The following CELF4 variants were observed in gnomAD, a reference collection of about 807,000 sequenced individuals.
CELF4 encodes the protein CUGBP Elav-like family member 4, also known as CUG-BP- and ETR-3-like factor 4.
CELF4 carries 18 observed loss-of-function variants against 59.9 expected under a neutral mutation model. The observed-to-expected ratio is 0.30, with a 90% CI of 0.21 to 0.45. The LOEUF is 0.45. CELF4 is among the 20% of genes least tolerant of loss of function. The pLI is 1.00. For missense variants in CELF4, 456 were observed against 689.0 expected, an observed-to-expected ratio of 0.66 and a Z score of 3.79; for synonymous variants, 261 against 267.1, an observed-to-expected ratio of 0.98 and a Z score of 0.22.
intron 1 of CELF4, among the ~76,000 whole-genome samples, chr18:37,558,572 G>T (rs1020624372): frequency 6.9e-6 from 1 of 145,082 alleles, no homozygotes; most frequent in Non-Finnish European, 1.5e-5. Context: ...GGGTGGGGGG[G>T]GCTCTGTTCT....
chr18:37,491,944 A>G (rs1219607765), intron 1 of CELF4, among the ~76,000 whole-genome samples: 1 of 152,196 alleles, frequency 6.6e-6, no homozygotes, highest in African/African-American at 2.4e-5. Flanking sequence ...TGTGAAGTGA[A>G]GGAAGTACAA....
intron 2 of CELF4, among the ~76,000 whole-genome samples, chr18:37,410,338 G>T (rs1024054427): frequency 6.6e-6 from 1 of 152,190 alleles, no homozygotes; most frequent in African/African-American, 2.4e-5. Flanking sequence ...TTATTTGAGA[G>T]ATGAGACTTT....
chr18:37,465,347 C>T (rs2099805052), intron 2 of CELF4, among the ~76,000 whole-genome samples: 1 of 152,142 alleles, frequency 6.6e-6, no homozygotes, highest in Non-Finnish European at 1.5e-5. Context: ...CTGGCACAAA[C>T]AGAATGTCAC....
Position 37,451,309 on chromosome 18 carries a change from G to A in CELF4, c.369+34216C>T, listed in dbSNP as rs112601470. Among the ~76,000 whole-genome samples, 731 of 152,206 alleles carry A rather than the reference G, an allele frequency of 4.8e-3. 6 individuals carry two copies. The highest frequency in any genetic ancestry group is 0.016 in the African/African-American group (685 of 41,544). On this transcript the variant is annotated intron_variant, in intron 2 of 12. Transcript: ENST00000420428. ...GTGGGCTGTGTGTGTCTGTGAGTAC[G>A]AACGTAGTGTGTCTGTGTATACGTG...
intron 2 of CELF4, among the ~76,000 whole-genome samples, chr18:37,462,440 G>T (rs1647769216): frequency 6.6e-6 from 1 of 152,174 alleles, no homozygotes; most frequent in South Asian, 2.1e-4. Flanking sequence ...AGGCCCTGCA[G>T]GCATTGTCCG....
intron 2 of CELF4, among the ~76,000 whole-genome samples, chr18:37,485,000 C>G (rs1215538701): frequency 6.6e-6 from 1 of 152,172 alleles, no homozygotes; most frequent in Non-Finnish European, 1.5e-5. Context: ...CGATAATAGC[C>G]ATGGCTGATA....
Position 37,446,199 on chromosome 18 carries a change from A to C in CELF4, c.369+39326T>G, listed in dbSNP as rs533864202. Reference sequence around the variant, plus strand: ...TGTGCATGTGATGAGGAGGGTCTGCAGACTGCATAAATGCTACAGCCATGC... The same window carrying C: ...TGTGCATGTGATGAGGAGGGTCTGCCGACTGCATAAATGCTACAGCCATGC... On this transcript the variant is annotated intron_variant, in intron 2 of 12. Transcript: ENST00000420428. Among the ~76,000 whole-genome samples the C allele has an allele frequency of 4.7e-4, 71 of 152,314 alleles. 1 individual carries two copies. The highest frequency in any genetic ancestry group is 1.6e-3 in the African/African-American group (66 of 41,570).
chr18:37,374,890 A>T (rs956683176), intron 2 of CELF4, among the ~76,000 whole-genome samples: 1 of 152,170 alleles, frequency 6.6e-6, no homozygotes, highest in Admixed American at 6.5e-5. Flanking sequence ...TTATGAGGTC[A>T]TGTAGTTCAG....
intron 3 of CELF4, among the ~76,000 whole-genome samples, chr18:37,295,017 T>C (rs1399283706): frequency 1.3e-5 from 2 of 152,206 alleles, no homozygotes; most frequent in Non-Finnish European, 2.9e-5. Context: ...ATGCAATGTG[T>C]TGTTTGTCTT....
chr18:37,450,091 C>T (rs113617158), intron 2 of CELF4, among the ~76,000 whole-genome samples: 4,217 of 151,340 alleles, frequency 0.028, 202 homozygotes, highest in African/African-American at 0.094. Flanking sequence ...AAATTCCAGG[C>T]GTGGGGAGGG....
At chr18:37,489,194 G>T (rs1413696314) in intron 1 of CELF4, among the ~76,000 whole-genome samples, 1 of 152,256 alleles carries the variant, frequency 6.6e-6, no homozygotes, top group Non-Finnish European at 1.5e-5. Context: ...CGGCTGACAC[G>T]CCAGCATGGC....
chr18:37,331,782 T>C (rs1386475597), intron 2 of CELF4, among the ~76,000 whole-genome samples: 1 of 151,396 alleles, frequency 6.6e-6, no homozygotes, highest in South Asian at 2.1e-4. Flanking sequence ...ACCAAAGACC[T>C]GGAGGAGAGT....
At chr18:37,452,732 G>A (rs2099767500) in intron 2 of CELF4, among the ~76,000 whole-genome samples, 1 of 152,094 alleles carries the variant, frequency 6.6e-6, no homozygotes, top group Admixed American at 6.5e-5. Context: ...ATAAGTAAAG[G>A]TGTGAAATAT....
At chr18:37,496,736 T>A (rs889588985) in intron 1 of CELF4, among the ~76,000 whole-genome samples, 4 of 152,224 alleles carry the variant, frequency 2.6e-5, no homozygotes, top group Admixed American at 2.0e-4. Context: ...TGTCTTTCTC[T>A]CATGATCTTG....
At chr18:37,398,552 C>T (rs766347551) in intron 2 of CELF4, among the ~76,000 whole-genome samples, 30 of 152,098 alleles carry the variant, frequency 2.0e-4, no homozygotes, top group African/African-American at 3.1e-4. Flanking sequence ...GCCACTGGCC[C>T]GTCAAAGGGG....
chr18:37,549,403 T>C (rs1703526249), intron 1 of CELF4, among the ~76,000 whole-genome samples: 1 of 152,162 alleles, frequency 6.6e-6, no homozygotes, highest in African/African-American at 2.4e-5. Flanking sequence ...GAACGAAAGG[T>C]TGCCCTTTGG....
intron 10 of CELF4, among the ~76,000 whole-genome samples, chr18:37,264,134 G>A (rs915525625): frequency 1.3e-5 from 2 of 152,184 alleles, no homozygotes; most frequent in Admixed American, 1.3e-4. Flanking sequence ...GAACACAGTG[G>A]TAGGCCCTCC....
intron 1 of CELF4, among the ~76,000 whole-genome samples, chr18:37,551,322 G>T (rs752788914): frequency 6.6e-6 from 1 of 152,160 alleles, no homozygotes; most frequent in Non-Finnish European, 1.5e-5. Context: ...AGCCATGACT[G>T]CCCCCCTGGG....
intron 1 of CELF4, among the ~76,000 whole-genome samples, chr18:37,524,608 C>A (rs981405633): frequency 6.6e-6 from 1 of 152,236 alleles, no homozygotes; most frequent in Non-Finnish European, 1.5e-5. Flanking sequence ...AAGATCCACA[C>A]CGCGGAGCAG....
Sources: allele counts gnomAD v4.1 joint callset (sites outside exome capture counted in the v4.1 genomes callset), GRCh38; gene constraint gnomAD v4.1.1; transcripts MANE v1.5; gene names NCBI Gene and HGNC (gene_info 2026-07-23, HGNC 2026-07-21).